RHBDD1: variants seen among roughly 807,000 people sequenced by gnomAD.
RHBDD1 encodes the protein rhomboid-related protein 4.
In RHBDD1, 38 loss-of-function variants were observed where a neutral mutation model predicts 36.3. The ratio of observed to expected loss-of-function variants is 1.05; its 90% confidence interval spans 0.81 to 1.37. RHBDD1 has a LOEUF of 1.37. Among genes scored for constraint, RHBDD1 ranks in the 40% most tolerant of loss-of-function variants. RHBDD1 has a pLI of 0.00. For synonymous variants in RHBDD1, 151 were observed against 136.5 expected, an observed-to-expected ratio of 1.11 and a Z score of -0.74; for missense variants, 393 against 377.6, an observed-to-expected ratio of 1.04 and a Z score of -0.34.
the RHBDD1 span, among the ~76,000 whole-genome samples, chr2:226,811,310 C>T: frequency 0.33 from 49,381 of 151,790 alleles, 11,904 homozygotes; most frequent in African/African-American, 0.69. Context: ...TTTTATTTTT[C>T]TGTTTTTTTG....
At chr2:226,887,725 A>T (rs1353910780) in intron 5 of RHBDD1, among the ~76,000 whole-genome samples, 1 of 152,236 alleles carries the variant, frequency 6.6e-6, no homozygotes, top group Non-Finnish European at 1.5e-5. Flanking sequence ...TGTTTTTCAA[A>T]TGAGTTTTAA....
At chr2:226,811,839 C>T in the RHBDD1 span, among the ~76,000 whole-genome samples, 317 of 152,266 alleles carry the variant, frequency 2.1e-3, 2 homozygotes, top group East Asian at 0.021. Flanking sequence ...TTGATTGCTA[C>T]CATTTATGTA....
chr2:226,902,870 T>G (rs1477059328), intron 5 of RHBDD1, among the ~76,000 whole-genome samples: 1 of 152,196 alleles, frequency 6.6e-6, no homozygotes, highest in African/African-American at 2.4e-5. Context: ...CATTTAGAGA[T>G]AGATAAGAAA....
chr2:226,913,607 T>C (rs1257034059), intron 7 of RHBDD1, among the ~76,000 whole-genome samples: 2 of 152,196 alleles, frequency 1.3e-5, no homozygotes, highest in African/African-American at 2.4e-5. Context: ...CTCTCTTGTT[T>C]TATCTAGCAA....
the RHBDD1 span, among the ~76,000 whole-genome samples, chr2:226,810,565 A>G: frequency 4.1e-5 from 6 of 146,464 alleles, no homozygotes; most frequent in Non-Finnish European, 8.9e-5. Context: ...AAAAAAAAAA[A>G]GTGAATGTTA....
At chr2:226,852,469 C>T (rs1468272529) in intron 3 of RHBDD1, among the ~76,000 whole-genome samples, 5 of 151,994 alleles carry the variant, frequency 3.3e-5, no homozygotes, top group African/African-American at 7.3e-5. Flanking sequence ...GATTAGTGTC[C>T]TTATGAAATG....
intron 5 of RHBDD1, among the ~76,000 whole-genome samples, chr2:226,896,694 A>G (rs1947120262): frequency 6.6e-6 from 1 of 152,148 alleles, no homozygotes; most frequent in South Asian, 2.1e-4. Flanking sequence ...AAAACAACTC[A>G]AGTTCTTTAC....
chr2:226,918,228 G>T lies in RHBDD1; in HGVS notation c.856+3877G>T, dbSNP rs570011995. 4.5e-4 allele frequency among the ~76,000 whole-genome samples: 68 copies of T among 151,534 alleles called. 1 individual carries two copies. The highest frequency in any genetic ancestry group is 6.8e-3 in the Middle Eastern group (2 of 294). On this transcript the variant is annotated intron_variant, in intron 8 of 8. Coordinates refer to ENST00000392062, the MANE Select transcript of RHBDD1 (RefSeq NM_001167608.3). ...CATAGCAGGTGTATATATTTATGGG[G>T]TACATGAGAATTTTAATACAGGCAT... is the stretch of plus-strand genomic sequence containing the variant.
the RHBDD1 span, among the ~76,000 whole-genome samples, chr2:226,818,655 A>G: frequency 6.6e-6 from 1 of 151,460 alleles, no homozygotes; most frequent in African/African-American, 2.4e-5. Context: ...CCTGGCCAAC[A>G]TGGTGAAACC....
intron 8 of RHBDD1, among the ~76,000 whole-genome samples, chr2:226,944,447 T>C (rs1268106322): frequency 6.6e-6 from 1 of 152,172 alleles, no homozygotes; most frequent in East Asian, 1.9e-4. Context: ...TAGGACGTTC[T>C]GTCCTGTCAA....
chr2:226,925,999 C>CT (rs1949642477), intron 8 of RHBDD1, among the ~76,000 whole-genome samples: 1 of 151,948 alleles, frequency 6.6e-6, no homozygotes, highest in South Asian at 2.1e-4. Flanking sequence ...AAGAGAGAAA[C>CT]TAGAATTGTT....
chr2:226,911,789 T>C (rs1320511620), intron 7 of RHBDD1, among the ~76,000 whole-genome samples: 1 of 152,108 alleles, frequency 6.6e-6, no homozygotes, highest in Non-Finnish European at 1.5e-5. Context: ...ACTTGTCTCC[T>C]TCTCCTGTTC....
At chr2:226,852,733 G>A (rs1208630728) in intron 3 of RHBDD1, among the ~76,000 whole-genome samples, 2 of 151,864 alleles carry the variant, frequency 1.3e-5, no homozygotes, top group Non-Finnish European at 2.9e-5. Flanking sequence ...GCTCTACCTT[G>A]TCTCTTTTAG....
intron 5 of RHBDD1, among the ~76,000 whole-genome samples, chr2:226,878,380 T>G (rs73085817): frequency 0.037 from 5,632 of 152,282 alleles, 354 homozygotes; most frequent in African/African-American, 0.13. Context: ...TTTCAAAGTT[T>G]CCCACTCAGC....
intron 5 of RHBDD1, among the ~76,000 whole-genome samples, chr2:226,897,060 C>T (rs1410676526): frequency 6.6e-6 from 1 of 152,162 alleles, no homozygotes; most frequent in Non-Finnish European, 1.5e-5. Context: ...GCCTCGGCCT[C>T]CCAAATGCTA....
chr2:226,943,101 G>T (rs1006128563), intron 8 of RHBDD1, among the ~76,000 whole-genome samples: 1 of 152,120 alleles, frequency 6.6e-6, no homozygotes, highest in Non-Finnish European at 1.5e-5. Context: ...CCTCAAGGTG[G>T]TCTAGTGTCA....
In RHBDD1 at chr2:226,889,422, C is replaced by G. The variant is rs973131171; in HGVS notation, c.567-17371C>G. ...AGTTTTCTTAAAGTTCAGCTAAGAA[C>G]CAACAGTAAAATAAGGGTTGAAGGG... On this transcript the variant is annotated intron_variant, in intron 5 of 8. Transcript: ENST00000392062. 2.6e-5 allele frequency among the ~76,000 whole-genome samples: 4 copies of G among 151,972 alleles called. No individual in the cohort carries two copies. The East Asian group carries it at 7.7e-4, about 29-fold the overall frequency.
chr2:226,806,388 C>T, the RHBDD1 span, among the ~76,000 whole-genome samples: 2 of 152,246 alleles, frequency 1.3e-5, 1 homozygote, highest in East Asian at 3.9e-4. Flanking sequence ...TGTGTAGTTC[C>T]CCCATTTCCC....
intron 5 of RHBDD1, among the ~76,000 whole-genome samples, chr2:226,899,333 TC>T (rs1424794552): frequency 6.6e-6 from 1 of 152,222 alleles, no homozygotes; most frequent in African/African-American, 2.4e-5. Context: ...ACTATCACTA[TC>T]CCATATAAAT....
Sources: gnomAD v4.1 joint callset for allele counts (sites outside exome capture counted in the v4.1 genomes callset) on GRCh38, gnomAD v4.1.1 for gene constraint, MANE v1.5 for transcripts, NCBI Gene and HGNC (gene_info 2026-07-23, HGNC 2026-07-21) for gene names.